Variants in TCEANC2 observed in about 807,000 individuals in gnomAD.
The protein encoded by TCEANC2 is transcription elongation factor A N-terminal and central domain-containing protein 2.
Under a neutral mutation model 22.8 loss-of-function variants are expected in TCEANC2, and 20 were observed. That is an observed-to-expected ratio of 0.88 (90% confidence interval 0.62 to 1.28). The LOEUF (loss-of-function observed/expected upper bound fraction) is 1.28. Ranked by LOEUF, TCEANC2 falls within the 50% of genes most tolerant of loss-of-function variation. The pLI is 0.00. For synonymous variants in TCEANC2, 84 were observed against 95.5 expected, an observed-to-expected ratio of 0.88 and a Z score of 0.70; for missense variants, 251 against 249.7, an observed-to-expected ratio of 1.01 and a Z score of -0.03.
intron 4 of TCEANC2, among the ~76,000 whole-genome samples, chr1:54,090,635 A>C (rs993456920): frequency 2.0e-5 from 3 of 152,190 alleles, no homozygotes; most frequent in African/African-American, 7.2e-5. Flanking sequence ...AGGTTCACTT[A>C]ACTTTTCCTA....
At chr1:54,078,270 AC>A (rs1658180010) in intron 3 of TCEANC2, among the ~76,000 whole-genome samples, 1 of 152,106 alleles carries the variant, frequency 6.6e-6, no homozygotes, top group Non-Finnish European at 1.5e-5. Context: ...AAATCCATTT[AC>A]CTACTTCAGT....
rs915893218 is a variant in TCEANC2, at chr1:54,105,812, G to A, written c.*9339G>A. On this transcript the variant is annotated 3_prime_UTR_variant, in exon 5 of 5. Coordinates refer to ENST00000234827, the MANE Select transcript of TCEANC2 (RefSeq NM_153035.3). The stretch of plus-strand genomic sequence containing the variant: ...AATTTTTTTATTTTTAGAGAGATTG[G>A]GTTTCACCATGTTGGCCAGGATGGT... 55 of 152,092 alleles carry A rather than the reference G, an allele frequency of 3.6e-4. No individual in the cohort carries two copies. Among genetic ancestry groups the A allele is most frequent in the African/African-American group, 1.3e-3 (53 of 41,472 alleles). The allele number at this position is 152,092 out of a possible 1,614,324, so 9.4% of individuals were successfully genotyped here.
rs111451232 is a variant in TCEANC2, at chr1:54,073,430, C to G, written c.244+4533C>G. ...CCTCAGTATGAGAGTCCCAGCTCCC[C>G]TCCTCGCTACTGGCCCACAGCTAAG... On this transcript the variant is annotated intron_variant, in intron 3 of 4. Coordinates refer to ENST00000234827, the MANE Select transcript of TCEANC2 (RefSeq NM_153035.3). Among the ~76,000 whole-genome samples, 982 of 152,346 alleles carry G rather than the reference C, an allele frequency of 6.4e-3. 13 individuals are homozygous for G. Among genetic ancestry groups the G allele is most frequent in the African/African-American group, 0.022 (935 of 41,570 alleles).
rs149578855 is a variant in TCEANC2, at chr1:54,087,111, C to T, written c.245-1486C>T. Reference sequence around the variant, plus strand: ...TTTAAAAATATATCTGTCTTATATTCAACCCATGGAGCAGGATTAAAAAGT... The same window carrying T: ...TTTAAAAATATATCTGTCTTATATTTAACCCATGGAGCAGGATTAAAAAGT... On this transcript the variant is annotated intron_variant, in intron 3 of 4. Coordinates refer to ENST00000234827, the MANE Select transcript of TCEANC2 (RefSeq NM_153035.3). Among the ~76,000 whole-genome samples the T allele has an allele frequency of 7.0e-3, 1,060 of 152,216 alleles. 4 individuals are homozygous for T. Among genetic ancestry groups the T allele is most frequent in the Non-Finnish European group, 0.012 (800 of 68,000 alleles).
rs777412568 is a variant in TCEANC2 at position 54,104,567 on chromosome 1, G to T, written c.*8094G>T. On this transcript the variant is annotated 3_prime_UTR_variant, in exon 5 of 5. Transcript: ENST00000234827. Reference sequence around the variant, plus strand: ...TTTTTTTTCTTTTTCTTTTTCAGAGGTGGAGTCTCTGTCACCCAGGCTGGA... The same window carrying T: ...TTTTTTTTCTTTTTCTTTTTCAGAGTTGGAGTCTCTGTCACCCAGGCTGGA... The T allele has an allele frequency of 4.4e-6, 2 of 454,242 alleles. No individual in the cohort carries two copies. Among genetic ancestry groups the T allele is most frequent in the Admixed American group, 2.4e-5 (1 of 42,240 alleles). The allele number at this position is 454,242 out of a possible 1,614,324, so 28.1% of individuals were successfully genotyped here. A position where few individuals can be genotyped will look rare whatever the true frequency, so the allele number is the denominator to read the frequency against.
intron 3 of TCEANC2, among the ~76,000 whole-genome samples, chr1:54,082,511 A>G (rs146538095): frequency 3.7e-4 from 57 of 152,304 alleles, no homozygotes; most frequent in Admixed American, 1.1e-3. Flanking sequence ...ACTTGGAGTA[A>G]GGTACAGGTT....
chr1:54,105,709 C>T lies in TCEANC2; in HGVS notation c.*9236C>T, dbSNP rs1233314949. 2 of 152,224 alleles carry T rather than the reference C, an allele frequency of 1.3e-5. No homozygotes were observed. Among genetic ancestry groups the T allele is most frequent in the African/African-American group, 2.4e-5 (1 of 41,324 alleles). The allele number at this position is 152,224 out of a possible 1,614,324, so 9.4% of individuals were successfully genotyped here. A position where few individuals can be genotyped will look rare whatever the true frequency, so the allele number is the denominator to read the frequency against. On this transcript the variant is annotated 3_prime_UTR_variant, in exon 5 of 5. Coordinates refer to ENST00000234827, the MANE Select transcript of TCEANC2 (RefSeq NM_153035.3). Reference sequence around the variant, plus strand: ...TGGCGCGATCTTGGCTCACTGCAACCTCTGCCTCCCGGGTTCAAGCGATTC... The same window carrying T: ...TGGCGCGATCTTGGCTCACTGCAACTTCTGCCTCCCGGGTTCAAGCGATTC...
intron 2 of TCEANC2, among the ~76,000 whole-genome samples, chr1:54,059,821 T>C (rs1657818160): frequency 2.0e-5 from 3 of 152,244 alleles, no homozygotes; most frequent in African/African-American, 7.2e-5. Flanking sequence ...GGCATGCCGT[T>C]GTAGGGTTTT....
At chr1:54,090,407 T>C (rs1166212950) in intron 4 of TCEANC2, among the ~76,000 whole-genome samples, 1 of 152,212 alleles carries the variant, frequency 6.6e-6, no homozygotes, top group Non-Finnish European at 1.5e-5. Flanking sequence ...CTGAGATTTA[T>C]ATAGAGTGAA....
downstream of TCEANC2, among the ~76,000 whole-genome samples, chr1:54,108,334 C>T (rs1658789732): frequency 6.6e-6 from 1 of 152,214 alleles, no homozygotes. Flanking sequence ...GAAGTCCTCA[C>T]CCCCAGTACC....
In TCEANC2 at chr1:54,097,763, T is replaced by G. The variant is rs1658585786; in HGVS notation, c.*1290T>G. The G allele has an allele frequency of 6.6e-6, 1 of 152,236 alleles. No homozygotes were observed. The highest frequency in any genetic ancestry group is 2.1e-4 in the South Asian group (1 of 4,834). The allele number at this position is 152,236 out of a possible 1,614,324, so 9.4% of individuals were successfully genotyped here. A position where few individuals can be genotyped will look rare whatever the true frequency, so the allele number is the denominator to read the frequency against. ...CTGAGCATCCATTCTGTGGGGTAGG[T>G]GTATACTGAGCAGTAGTTACAAATG... On this transcript the variant is annotated 3_prime_UTR_variant, in exon 5 of 5. Transcript: ENST00000234827.
chr1:54,060,449 G>A (rs1201998451), intron 2 of TCEANC2, among the ~76,000 whole-genome samples: 1 of 150,566 alleles, frequency 6.6e-6, no homozygotes, highest in African/African-American at 2.4e-5. Flanking sequence ...TGCGCCTATG[G>A]TCCTAGCCAC....
intron 3 of TCEANC2, among the ~76,000 whole-genome samples, chr1:54,085,253 T>C (rs548691773): frequency 1.2e-3 from 180 of 152,310 alleles, no homozygotes; most frequent in African/African-American, 4.1e-3. Flanking sequence ...AAGCCCTACA[T>C]GACTAGTGCC....
At chr1:54,065,463 A>T (rs1657937345) in intron 2 of TCEANC2, among the ~76,000 whole-genome samples, 2 of 152,178 alleles carry the variant, frequency 1.3e-5, no homozygotes, top group South Asian at 4.1e-4. Context: ...CACACCTGTA[A>T]TCCCAGCACT....
intron 1 of TCEANC2, 173 bp from the exon 2 acceptor site, chr1:54,054,208 T>G (rs1410858815): frequency 7.0e-7 from 1 of 1,427,600 alleles, no homozygotes; most frequent in Non-Finnish European, 9.2e-7. Context: ...TGATTACAGT[T>G]TCAATTCTTC....
chr1:54,074,131 G>T (rs1202453204), intron 3 of TCEANC2, among the ~76,000 whole-genome samples: 1 of 152,164 alleles, frequency 6.6e-6, no homozygotes, highest in Non-Finnish European at 1.5e-5. Flanking sequence ...ATATACTGGG[G>T]AGTCATTATC....
chr1:54,095,626 G>A (rs1312109462), intron 4 of TCEANC2, among the ~76,000 whole-genome samples: 2 of 152,178 alleles, frequency 1.3e-5, no homozygotes, highest in Admixed American at 1.3e-4. Context: ...TCTGCTTAAT[G>A]GAAACTGTAG....
intron 4 of TCEANC2, among the ~76,000 whole-genome samples, chr1:54,089,005 A>G (rs1658392812): frequency 6.6e-6 from 1 of 152,124 alleles, no homozygotes; most frequent in Admixed American, 6.6e-5. Flanking sequence ...ATTCCGGGAG[A>G]CAGTGTTGTA....
At chr1:54,063,742 A>G (rs1657899012) in intron 2 of TCEANC2, among the ~76,000 whole-genome samples, 1 of 152,242 alleles carries the variant, frequency 6.6e-6, no homozygotes, top group Non-Finnish European at 1.5e-5. Flanking sequence ...ACCGTTTTGG[A>G]TAAGGGATAC....
Sources: gnomAD v4.1 joint callset for allele counts (sites outside exome capture counted in the v4.1 genomes callset) on GRCh38, gnomAD v4.1.1 for gene constraint, MANE v1.5 for transcripts, NCBI Gene and HGNC (gene_info 2026-07-23, HGNC 2026-07-21) for gene names.